Variants in ZNF609 observed in about 807,000 individuals in gnomAD.
ZNF609 encodes zinc finger protein 609.
ZNF609 carries 11 observed loss-of-function variants against 109.5 expected under a neutral mutation model. That is an observed-to-expected ratio of 0.10 (90% confidence interval 0.06 to 0.17). ZNF609 has a LOEUF of 0.17. ZNF609 is among the 10% of genes least tolerant of loss of function. The pLI, the probability that ZNF609 is intolerant of heterozygous loss-of-function variation, is 1.00. For synonymous variants in ZNF609, 646 were observed against 662.0 expected (o/e 0.98, Z 0.37); for missense variants, 1,559 against 1,772.4 (o/e 0.88, Z 2.16).
rs560453429 is a variant in ZNF609, at chr15:64,514,971, TTTG to T, written c.747+14817_747+14819del. Among the ~76,000 whole-genome samples the T allele has an allele frequency of 9.1e-4, 139 of 152,220 alleles. 2 individuals carry two copies. The East Asian group carries it at 0.022, about 24-fold the overall frequency. The stretch of plus-strand genomic sequence containing the variant: ...AAATTTTTTAATCCTGCTTTAATTT[TTTG>T]TTGTTGTTGTTATTTCTGAAATAAC... On this transcript the variant is annotated intron_variant, in intron 2 of 9. Coordinates refer to ENST00000326648, the MANE Select transcript of ZNF609 (RefSeq NM_015042.2).
intron 2 of ZNF609, among the ~76,000 whole-genome samples, chr15:64,576,966 ACATAAATATATATATGTATG>A (rs1894971309): frequency 2.1e-5 from 3 of 139,704 alleles, no homozygotes; most frequent in African/African-American, 8.1e-5. Flanking sequence ...GTATATATAC[ACATAAATATATATATGTATG>A]TATACACATA....
intron 4 of ZNF609, among the ~76,000 whole-genome samples, chr15:64,670,938 G>A (rs1426935637): frequency 2.0e-5 from 3 of 150,888 alleles, no homozygotes; most frequent in African/African-American, 7.3e-5. Context: ...GGCCGGGTAC[G>A]GTGGCTCACG....
rs1896794377 is a variant in ZNF609, at chr15:64,675,440, C to G, written c.2586C>G (p.Val862=). 6.2e-7 allele frequency: 1 copy of G among 1,614,040 alleles called. No homozygotes were observed. Among genetic ancestry groups the G allele is most frequent in the Admixed American group, 1.7e-5 (1 of 59,996 alleles). The change falls in exon 5 of 10, where the codon GTC becomes GTG. Residue 862 remains valine (V), a synonymous_variant. Transcript: ENST00000326648. ...GEDGEGKVDS[V]KSKDAEQLVK... is the part of the protein sequence containing the mutation. ...ATGGGGAGGGCAAGGTAGACAGTGT[C>G]AAATCAAAGGACGCCGAACAGTTGG...
rs146506500 is a variant in ZNF609 at position 64,497,402 on chromosome 15, C to T, written c.-127-1891C>T. Among the ~76,000 whole-genome samples the T allele has an allele frequency of 1.2e-3, 178 of 152,294 alleles. 1 individual carries two copies. Among genetic ancestry groups the T allele is most frequent in the Middle Eastern group, 3.4e-3 (1 of 292 alleles). The stretch of plus-strand genomic sequence containing the variant: ...GCTAGCAGGCATTCACCTGGCTCCC[C>T]TCCTTTGCTCTTCTACTGTGACATC... On this transcript the variant is annotated intron_variant, in intron 1 of 9. Coordinates refer to ENST00000326648, the MANE Select transcript of ZNF609 (RefSeq NM_015042.2).
chr15:64,554,249 T>C (rs564802956), intron 2 of ZNF609, among the ~76,000 whole-genome samples: 1 of 152,320 alleles, frequency 6.6e-6, no homozygotes, highest in African/African-American at 2.4e-5. Context: ...AAAGTCCTCT[T>C]CTATTCCTGG....
chr15:64,635,145 C>G (rs536242899), intron 3 of ZNF609, among the ~76,000 whole-genome samples: 1 of 152,264 alleles, frequency 6.6e-6, no homozygotes, highest in East Asian at 1.9e-4. Context: ...CTCCCTCCCC[C>G]AAGCAAAGCA....
chr15:64,482,646 G>T (rs1227943054), intron 1 of ZNF609, among the ~76,000 whole-genome samples: 1 of 152,178 alleles, frequency 6.6e-6, no homozygotes, highest in Non-Finnish European at 1.5e-5. Flanking sequence ...ATTAAAGATT[G>T]AGATGATTTG....
At chr15:64,490,101 G>A (rs551784191) in intron 1 of ZNF609, among the ~76,000 whole-genome samples, 1 of 152,062 alleles carries the variant, frequency 6.6e-6, no homozygotes, top group Admixed American at 6.6e-5. Flanking sequence ...TGAGACTACA[G>A]GCATTTGCCA....
chr15:64,588,651 C>CTTT (rs71133452), intron 2 of ZNF609, among the ~76,000 whole-genome samples: 1 of 135,802 alleles, frequency 7.4e-6, no homozygotes, highest in Non-Finnish European at 1.6e-5. Context: ...GGTCTGTAGT[C>CTTT]TTTTTTTTTT....
In ZNF609 at chr15:64,675,173, C is replaced by G. The variant is rs1407123815; in HGVS notation, c.2319C>G (p.Leu773=). The part of the protein sequence containing the change: ...SSGDGMKMEG[L]LNGSSDPHQS... ...GAGATGGGATGAAAATGGAGGGGCT[C>G]CTAAATGGCTCATCAGACCCCCACC... Residue 773 remains leucine (L), a synonymous_variant, in exon 5 of 10, where the codon CTC becomes CTG. Transcript: ENST00000326648. 7.4e-6 allele frequency: 12 copies of G among 1,614,098 alleles called. No homozygotes were observed. The highest frequency in any genetic ancestry group is 4.2e-6 in the Non-Finnish European group (5 of 1,180,022).
intron 1 of ZNF609, among the ~76,000 whole-genome samples, chr15:64,476,847 AG>A (rs1347859730): frequency 6.6e-6 from 1 of 152,160 alleles, no homozygotes; most frequent in Non-Finnish European, 1.5e-5. Flanking sequence ...CAAAGGGAGA[AG>A]CCCAGTATCA....
intron 3 of ZNF609, among the ~76,000 whole-genome samples, chr15:64,640,777 G>A (rs1445946010): frequency 6.6e-6 from 1 of 152,202 alleles, no homozygotes; most frequent in Admixed American, 6.5e-5. Context: ...CTCCAGCCAT[G>A]GCTGCAGGAT....
intron 2 of ZNF609, among the ~76,000 whole-genome samples, chr15:64,570,843 T>C (rs1894849481): frequency 6.6e-6 from 1 of 151,990 alleles, no homozygotes; most frequent in South Asian, 2.1e-4. Context: ...CTGGCCAACA[T>C]AGCAAAACCT....
At position 64,507,100 on chromosome 15, in the gene ZNF609, A is replaced by G. The variant is rs142039241; in HGVS notation, c.747+6934A>G. Among the ~76,000 whole-genome samples, 84 of 152,294 alleles carry G rather than the reference A, an allele frequency of 5.5e-4. 1 individual carries two copies. The highest frequency in any genetic ancestry group is 2.0e-3 in the African/African-American group (82 of 41,552). On this transcript the variant is annotated intron_variant, in intron 2 of 9. Coordinates refer to ENST00000326648, the MANE Select transcript of ZNF609 (RefSeq NM_015042.2). ...AGTGGCCTGTTGAATTTCAGACTTCATATGAATCGAGCTTCTTTTCTGGCC... is the reference window on the plus strand; with the variant it reads ...AGTGGCCTGTTGAATTTCAGACTTCGTATGAATCGAGCTTCTTTTCTGGCC...
In ZNF609 at chr15:64,674,894, C is replaced by T. The variant is rs764299873; in HGVS notation, c.2040C>T (p.Ser680=). The part of the protein sequence containing the change: ...TFQTATFTAA[S]PGSSSGLTAT... ...AGACAGCCACCTTCACAGCAGCGAG[C>T]CCAGGCTCTTCCTCAGGCTTGACCG... Residue 680 remains serine, a synonymous_variant, in exon 5 of 10, where the codon AGC becomes AGT. Coordinates refer to ENST00000326648, the MANE Select transcript of ZNF609 (RefSeq NM_015042.2). The T allele has an allele frequency of 1.1e-5, 18 of 1,614,120 alleles. No individual in the cohort carries two copies. The highest frequency in any genetic ancestry group is 1.4e-5 in the Non-Finnish European group (17 of 1,180,036).
At chr15:64,634,681 A>C (rs755316639) in intron 3 of ZNF609, among the ~76,000 whole-genome samples, 4 of 152,190 alleles carry the variant, frequency 2.6e-5, no homozygotes, top group Non-Finnish European at 5.9e-5. Context: ...GATGGGGCAC[A>C]GTAACAACCA....
chr15:64,539,163 CTTAT>C (rs753926623), intron 2 of ZNF609, among the ~76,000 whole-genome samples: 9,987 of 135,188 alleles, frequency 0.074, 341 homozygotes, highest in African/African-American at 0.086. Flanking sequence ...GCCACCATGC[CTTAT>C]TTATTTATTT....
At chr15:64,609,885 C>T (rs1943133976) in intron 2 of ZNF609, among the ~76,000 whole-genome samples, 1 of 151,180 alleles carries the variant, frequency 6.6e-6, no homozygotes, top group Non-Finnish European at 1.5e-5. Flanking sequence ...AAAATTAGTC[C>T]AGTGTGGTGG....
At chr15:64,473,102 A>C (rs895963301) in intron 1 of ZNF609, among the ~76,000 whole-genome samples, 2 of 151,660 alleles carry the variant, frequency 1.3e-5, no homozygotes, top group African/African-American at 4.9e-5. Context: ...CTTCCCGTTC[A>C]TAATTTGAAA....
Sources: allele counts gnomAD v4.1 joint callset (sites outside exome capture counted in the v4.1 genomes callset), GRCh38; gene constraint gnomAD v4.1.1; transcripts MANE v1.5; gene names NCBI Gene and HGNC (gene_info 2026-07-23, HGNC 2026-07-21).